The following NCAM2 variants were observed in gnomAD, a reference collection of about 807,000 sequenced individuals.
NCAM2 encodes the protein N-CAM-2.
Under a neutral mutation model 98.1 loss-of-function variants are expected in NCAM2, and 30 were observed. That is an observed-to-expected ratio of 0.31 (90% CI 0.23 to 0.41). NCAM2 has a LOEUF of 0.41. NCAM2 is among the 10% of genes least tolerant of loss of function. NCAM2 has a pLI of 1.00. For synonymous variants in NCAM2, 368 were observed against 342.4 expected (o/e 1.07, Z -0.83); for missense variants, 867 against 1,005.8 (o/e 0.86, Z 1.87).
chr21:21,369,014 G>T (rs538610197), intron 8 of NCAM2, among the ~76,000 whole-genome samples: 6 of 151,748 alleles, frequency 4.0e-5, no homozygotes, highest in African/African-American at 1.2e-4. Context: ...ATTAAACTGT[G>T]CAATTAAAAG....
chr21:21,537,745 A>G (rs1990058682), intron 17 of NCAM2, 101 bp from the exon 18 acceptor site: 1 of 529,696 alleles, frequency 1.9e-6, no homozygotes, highest in Admixed American at 3.7e-5. Flanking sequence ...ATGTTAGCAT[A>G]TTATTGGAGC....
At chr21:21,485,350 T>C (rs576258124) in intron 15 of NCAM2, among the ~76,000 whole-genome samples, 1 of 152,296 alleles carries the variant, frequency 6.6e-6, no homozygotes, top group East Asian at 1.9e-4. Flanking sequence ...AGTCCTATTG[T>C]TCTAACATAA....
chr21:21,183,455 A>T (rs1368369166), intron 1 of NCAM2, among the ~76,000 whole-genome samples: 1 of 152,134 alleles, frequency 6.6e-6, no homozygotes, highest in Non-Finnish European at 1.5e-5. Flanking sequence ...TAAGTAAGAG[A>T]TGCCATGGGG....
chr21:21,039,587 C>T (rs978817240), intron 1 of NCAM2, among the ~76,000 whole-genome samples: 1 of 152,066 alleles, frequency 6.6e-6, no homozygotes, highest in Admixed American at 6.6e-5. Flanking sequence ...ATATTTGTAT[C>T]AGTAAAAAAT....
intron 1 of NCAM2, among the ~76,000 whole-genome samples, chr21:21,122,376 C>T (rs144103053): frequency 4.8e-4 from 73 of 152,204 alleles, no homozygotes; most frequent in African/African-American, 1.6e-3. Context: ...ATCTAGAGCC[C>T]TAATTTAGTA....
At chr21:21,344,847 A>T (rs2147908501) in intron 8 of NCAM2, among the ~76,000 whole-genome samples, 1 of 152,246 alleles carries the variant, frequency 6.6e-6, no homozygotes, top group South Asian at 2.1e-4. Flanking sequence ...TGGTGGCTTG[A>T]GGTCTAAAAC....
rs199849179 is a variant in NCAM2 at position 21,509,014 on chromosome 21, T to G, written c.2241T>G (p.Ser747Arg). The change falls in exon 16 of 18, where the codon AGT becomes AGG. Residue 747 changes from serine to arginine, a missense_variant. Coordinates refer to ENST00000400546, the MANE Select transcript of NCAM2 (RefSeq NM_004540.5). Reference protein sequence around the residue: ...RRMCGKKSGSSGKSKELEEGK... With the variant: ...RRMCGKKSGSRGKSKELEEGK... ...TGTGTGGAAAGAAAAGTGGCTCCAG[T>G]GGCAAAAGTAAAGAACTCGAAGAAG... 1.2e-4 allele frequency: 186 copies of G among 1,613,404 alleles called. No individual in the cohort carries two copies. The highest frequency in any genetic ancestry group is 1.5e-4 in the Non-Finnish European group (182 of 1,179,758).
chr21:21,155,624 A>G (rs1355118596), intron 1 of NCAM2, among the ~76,000 whole-genome samples: 3 of 152,000 alleles, frequency 2.0e-5, no homozygotes, highest in Non-Finnish European at 2.9e-5. Flanking sequence ...GCTTTAGTAT[A>G]TGGTATGAGC....
At chr21:21,047,476 GAAAC>G (rs984923562) in intron 1 of NCAM2, among the ~76,000 whole-genome samples, 5 of 151,942 alleles carry the variant, frequency 3.3e-5, no homozygotes, top group African/African-American at 1.2e-4. Flanking sequence ...ATATGTTGAT[GAAAC>G]AAACAAAAAA....
intron 5 of NCAM2, among the ~76,000 whole-genome samples, chr21:21,293,742 T>C (rs62207665): frequency 0.014 from 2,176 of 151,926 alleles, 43 homozygotes; most frequent in Admixed American, 0.037. Flanking sequence ...ATATAGTGGC[T>C]ATTTAGTTTG....
rs561897964 is a variant in NCAM2 at position 21,503,546 on chromosome 21, T to C, written c.2078-5305T>C. Among the ~76,000 whole-genome samples the C allele has an allele frequency of 2.0e-5, 3 of 152,088 alleles. No homozygotes were observed. The South Asian group carries it at 6.2e-4, about 31-fold the overall frequency. On this transcript the variant is annotated intron_variant, in intron 15 of 17. Coordinates refer to ENST00000400546, the MANE Select transcript of NCAM2 (RefSeq NM_004540.5). ...TCAAATTCAAAATTTATGAATTGTA[T>C]ACTTAAATTTTCCATTTGATATTTT...
At chr21:21,479,032 C>T (rs112468845) in intron 15 of NCAM2, among the ~76,000 whole-genome samples, 1,715 of 152,160 alleles carry the variant, frequency 0.011, 43 homozygotes, top group African/African-American at 0.038. Flanking sequence ...ACATGCTATA[C>T]GTATTCCCAT....
intron 1 of NCAM2, among the ~76,000 whole-genome samples, chr21:21,019,701 A>G (rs1022389738): frequency 6.6e-6 from 1 of 152,194 alleles, no homozygotes; most frequent in Non-Finnish European, 1.5e-5. Context: ...ATATATCAAA[A>G]ATGATGTTCC....
intron 1 of NCAM2, among the ~76,000 whole-genome samples, chr21:21,091,927 G>A (rs1193856641): frequency 6.6e-6 from 1 of 151,844 alleles, no homozygotes; most frequent in Admixed American, 6.6e-5. Context: ...ATTCATTTTT[G>A]TACTCTACAT....
chr21:21,433,721 C>T (rs1048226858), intron 12 of NCAM2, among the ~76,000 whole-genome samples: 4 of 133,256 alleles, frequency 3.0e-5, no homozygotes, highest in East Asian at 4.7e-4. Context: ...CCAGCCTGGG[C>T]GACAGAGCAA....
intron 1 of NCAM2, among the ~76,000 whole-genome samples, chr21:21,217,972 C>A (rs2069974881): frequency 6.6e-6 from 1 of 152,156 alleles, no homozygotes; most frequent in Non-Finnish European, 1.5e-5. Context: ...TGTAAACAGC[C>A]ATAGAATCTC....
At chr21:21,239,309 C>T (rs987927560) in intron 1 of NCAM2, 2 of 152,112 alleles carry the variant, frequency 1.3e-5, no homozygotes, top group African/African-American at 2.4e-5. Context: ...AGGCAATGCT[C>T]ATCCAAGTAG....
chr21:21,527,246 G>A (rs1334764267), intron 16 of NCAM2, among the ~76,000 whole-genome samples: 2 of 151,818 alleles, frequency 1.3e-5, no homozygotes, highest in Non-Finnish European at 2.9e-5. Flanking sequence ...TGAGTAGCTG[G>A]GATTACAGGC....
intron 9 of NCAM2, among the ~76,000 whole-genome samples, chr21:21,402,018 C>A (rs571953310): frequency 6.6e-6 from 1 of 152,220 alleles, no homozygotes; most frequent in South Asian, 2.1e-4. Flanking sequence ...ATGTAAGTCA[C>A]CTCAGGACCC....
Sources: gnomAD v4.1 joint callset for allele counts (sites outside exome capture counted in the v4.1 genomes callset) on GRCh38, gnomAD v4.1.1 for gene constraint, MANE v1.5 for transcripts, NCBI Gene and HGNC (gene_info 2026-07-23, HGNC 2026-07-21) for gene names.